The following TCF7L1 variants were observed in gnomAD, a reference collection of about 807,000 sequenced individuals.
TCF7L1 encodes the protein transcription factor 7-like 1.
Under a neutral mutation model 63.7 loss-of-function variants are expected in TCF7L1, and 18 were observed. The ratio of observed to expected loss-of-function variants is 0.28; its 90% CI spans 0.20 to 0.42. TCF7L1 has a LOEUF of 0.42. TCF7L1 is among the 10% of genes least tolerant of loss of function. TCF7L1 has a pLI of 1.00. For missense variants in TCF7L1, 654 were observed against 779.3 expected, an observed-to-expected ratio of 0.84 and a Z score of 1.91; for synonymous variants, 355 against 340.9, an observed-to-expected ratio of 1.04 and a Z score of -0.46.
At chr2:85,289,917 G>A (rs535368159) in intron 4 of TCF7L1, among the ~76,000 whole-genome samples, 2 of 150,668 alleles carry the variant, frequency 1.3e-5, no homozygotes, top group Non-Finnish European at 2.9e-5. Flanking sequence ...CACGGGATCC[G>A]CGCACCTCAG....
chr2:85,193,199 G>A (rs992054093), intron 3 of TCF7L1, among the ~76,000 whole-genome samples: 1 of 152,106 alleles, frequency 6.6e-6, no homozygotes, highest in South Asian at 2.1e-4. Flanking sequence ...GGGTGATGGC[G>A]AGTAGAGCAC....
chr2:85,196,471 C>T (rs1048595742), intron 3 of TCF7L1, among the ~76,000 whole-genome samples: 3 of 152,092 alleles, frequency 2.0e-5, no homozygotes, highest in Non-Finnish European at 4.4e-5. Flanking sequence ...TTGGAATTAC[C>T]TGGGGAGCTT....
intron 3 of TCF7L1, among the ~76,000 whole-genome samples, chr2:85,209,618 C>A (rs1679498223): frequency 6.6e-6 from 1 of 152,184 alleles, no homozygotes; most frequent in South Asian, 2.1e-4. Flanking sequence ...GGTCCACAGA[C>A]CCCTGCTTCA....
intron 3 of TCF7L1, among the ~76,000 whole-genome samples, chr2:85,177,865 CTTCAT>C (rs886506345): frequency 2.6e-5 from 4 of 152,042 alleles, no homozygotes; most frequent in Non-Finnish European, 5.9e-5. Flanking sequence ...TTGGTGGTTT[CTTCAT>C]TTCATTATAT....
chr2:85,245,764 G>A (rs974140989), intron 3 of TCF7L1, among the ~76,000 whole-genome samples: 1 of 151,334 alleles, frequency 6.6e-6, no homozygotes, highest in African/African-American at 2.4e-5. Context: ...GCAGTGAGCC[G>A]AGATCGCACC....
intron 3 of TCF7L1, among the ~76,000 whole-genome samples, chr2:85,198,733 C>T (rs1679211130): frequency 6.6e-6 from 1 of 152,108 alleles, no homozygotes; most frequent in Non-Finnish European, 1.5e-5. Context: ...TGGTGGCACA[C>T]GCCTGTGGTC....
intron 3 of TCF7L1, among the ~76,000 whole-genome samples, chr2:85,176,818 CT>C (rs1387991145): frequency 6.6e-6 from 1 of 151,912 alleles, no homozygotes; most frequent in East Asian, 1.9e-4. Flanking sequence ...GAAACCTTGT[CT>C]CTACTAAAAA....
At chr2:85,258,527 G>T (rs750873438) in intron 3 of TCF7L1, among the ~76,000 whole-genome samples, 4 of 152,218 alleles carry the variant, frequency 2.6e-5, no homozygotes, top group Admixed American at 6.5e-5. Flanking sequence ...ACTGGGAATG[G>T]TGGGGGTGCC....
At chr2:85,286,903 A>G (rs1465825176) in intron 4 of TCF7L1, among the ~76,000 whole-genome samples, 1 of 152,126 alleles carries the variant, frequency 6.6e-6, no homozygotes, top group Non-Finnish European at 1.5e-5. Context: ...GTGCCACTGC[A>G]CTCTAGCCTG....
At chr2:85,266,287 A>C (rs190382421) in intron 3 of TCF7L1, among the ~76,000 whole-genome samples, 133 of 152,366 alleles carry the variant, frequency 8.7e-4, no homozygotes, top group African/African-American at 3.2e-3. Flanking sequence ...AGCCTTCAGA[A>C]GACTTGATAC....
chr2:85,193,879 G>A (rs1679091848), intron 3 of TCF7L1, among the ~76,000 whole-genome samples: 1 of 152,090 alleles, frequency 6.6e-6, no homozygotes, highest in African/African-American at 2.4e-5. Context: ...TTAACATTTG[G>A]GGTATGTAGG....
At chr2:85,276,910 T>A (rs550551528) in intron 3 of TCF7L1, among the ~76,000 whole-genome samples, 2 of 152,262 alleles carry the variant, frequency 1.3e-5, no homozygotes, top group South Asian at 4.1e-4. Flanking sequence ...GGAGGCTTCA[T>A]GCCAGGGAGG....
chr2:85,264,715 A>T (rs1254283220), intron 3 of TCF7L1, among the ~76,000 whole-genome samples: 2 of 152,148 alleles, frequency 1.3e-5, no homozygotes, highest in Non-Finnish European at 2.9e-5. Context: ...CCCTAACCCA[A>T]CTAGCCTAGC....
At chr2:85,195,580 T>G (rs537925287) in intron 3 of TCF7L1, among the ~76,000 whole-genome samples, 19 of 152,292 alleles carry the variant, frequency 1.2e-4, no homozygotes, top group African/African-American at 4.6e-4. Context: ...AGGGTCTCAC[T>G]CTGTTGCCCA....
At chr2:85,269,963 A>G (rs1332884828) in intron 3 of TCF7L1, among the ~76,000 whole-genome samples, 4 of 151,934 alleles carry the variant, frequency 2.6e-5, no homozygotes, top group African/African-American at 9.7e-5. Context: ...GGGGTCGGAG[A>G]GCTCTCCTGG....
At chr2:85,181,146 G>A (rs954104056) in intron 3 of TCF7L1, among the ~76,000 whole-genome samples, 1 of 152,210 alleles carries the variant, frequency 6.6e-6, no homozygotes, top group African/African-American at 2.4e-5. Flanking sequence ...AGGGAGGAGA[G>A]TTATAAGAGA....
chr2:85,268,471 C>CTTTTT (rs554305734), intron 3 of TCF7L1, among the ~76,000 whole-genome samples: 6 of 134,812 alleles, frequency 4.5e-5, no homozygotes, highest in Non-Finnish European at 7.9e-5. Context: ...GATTGGATGC[C>CTTTTT]TTTTTTTTTT....
In TCF7L1 at chr2:85,274,633, C is replaced by T. The variant is rs530893619; in HGVS notation, c.442-8862C>T. The stretch of plus-strand genomic sequence containing the variant: ...CCCAGCCAATTGGTAGCATCTCTTC[C>T]GCGCTGAGCCTTCAGTGACTCATCG... On this transcript the variant is annotated intron_variant, in intron 3 of 11. Coordinates refer to ENST00000282111, the MANE Select transcript of TCF7L1 (RefSeq NM_031283.3). Among the ~76,000 whole-genome samples, 19 of 152,324 alleles carry T rather than the reference C, an allele frequency of 1.2e-4. No homozygotes were observed. The South Asian group carries it at 2.1e-3, about 17-fold the overall frequency.
intron 3 of TCF7L1, among the ~76,000 whole-genome samples, chr2:85,191,680 G>A (rs1679040137): frequency 6.6e-6 from 1 of 151,970 alleles, no homozygotes; most frequent in Non-Finnish European, 1.5e-5. Flanking sequence ...CAAAGATTAG[G>A]TGGGTGTGGT....
Sources: gnomAD v4.1 joint callset for allele counts (sites outside exome capture counted in the v4.1 genomes callset) on GRCh38, gnomAD v4.1.1 for gene constraint, MANE v1.5 for transcripts, NCBI Gene and HGNC (gene_info 2026-07-23, HGNC 2026-07-21) for gene names.